PIWIL1: variants seen among roughly 807,000 people sequenced by gnomAD.
PIWIL1 encodes piwi-like protein 1.
Under a neutral mutation model 114.4 loss-of-function variants are expected in PIWIL1, and 73 were observed. The observed-to-expected ratio is 0.64, with a 90% CI of 0.53 to 0.78. The LOEUF is 0.78. Among genes scored for constraint, PIWIL1 ranks in the 30% least tolerant of loss-of-function variants. The pLI is 0.00. For synonymous variants in PIWIL1, 375 were observed against 369.0 expected, an observed-to-expected ratio of 1.02 and a Z score of -0.19; for missense variants, 723 against 1,063.1, an observed-to-expected ratio of 0.68 and a Z score of 4.45.
At chr12:130,380,389 A>G in the PIWIL1 span, among the ~76,000 whole-genome samples, 1 of 152,230 alleles carries the variant, frequency 6.6e-6, no homozygotes, top group East Asian at 1.9e-4. Context: ...CAAACTGGAA[A>G]AAAAGACCAA....
At chr12:130,347,200 G>A in intron 6 of PIWIL1, 138 bp downstream of exon 6, 1 of 664,990 alleles carries the variant, frequency 1.5e-6, no homozygotes, top group Non-Finnish European at 2.5e-6. Flanking sequence ...AGTAACTTAA[G>A]GTGTGGTTTA....
chr12:130,421,691 A>ATGTGTGTGTGTGTGTGTG, the PIWIL1 span, among the ~76,000 whole-genome samples: 617 of 147,276 alleles, frequency 4.2e-3, 5 homozygotes, highest in African/African-American at 0.015. Flanking sequence ...CTGCATTTAT[A>ATGTGTGTGTGTGTGTGTG]TGTGTGTGTG....
chr12:130,382,860 A>G, the PIWIL1 span, among the ~76,000 whole-genome samples: 12 of 152,234 alleles, frequency 7.9e-5, no homozygotes, highest in African/African-American at 2.9e-4. Flanking sequence ...GCCCAAGTTA[A>G]GTATGCTTTT....
In PIWIL1 at chr12:130,337,975, C is replaced by T; in HGVS notation, c.-184C>T. The T allele has an allele frequency of 6.1e-6, 1 of 163,156 alleles. No homozygotes were observed. The highest frequency in any genetic ancestry group is 1.3e-5 in the Non-Finnish European group (1 of 75,596). 10.1% of individuals were successfully genotyped at this position (163,156 alleles called of 1,614,324 possible). On this transcript the variant is annotated 5_prime_UTR_variant, in exon 1 of 21. Coordinates refer to ENST00000245255, the MANE Select transcript of PIWIL1 (RefSeq NM_004764.5). ...GGAAAAGAGCGCCTGTTGCTCGCTGCCCGCGTGTCCCTGGCTCTCTCGGGA... is the reference window on the plus strand; with the variant it reads ...GGAAAAGAGCGCCTGTTGCTCGCTGTCCGCGTGTCCCTGGCTCTCTCGGGA...
chr12:130,422,575 A>G, the PIWIL1 span: 1 of 1,573,150 alleles, frequency 6.4e-7, no homozygotes, highest in Non-Finnish European at 8.7e-7. The surrounding 1 kb of genome is among the most constrained non-coding windows in gnomAD (Gnocchi z 5.2). Context: ...AAGACAAAAC[A>G]ACAACAAAGT....
the PIWIL1 span, among the ~76,000 whole-genome samples, chr12:130,388,268 C>T: frequency 5.3e-5 from 8 of 152,166 alleles, no homozygotes; most frequent in African/African-American, 1.4e-4. Flanking sequence ...CATGCACCAC[C>T]TTGCCTGGCT....
the PIWIL1 span, among the ~76,000 whole-genome samples, chr12:130,403,046 C>T: frequency 6.6e-6 from 1 of 152,158 alleles, no homozygotes; most frequent in Admixed American, 6.5e-5. Flanking sequence ...GCTTGTTTTA[C>T]TGATATGGGA....
At chr12:130,375,623 G>C (rs2073861270), downstream of PIWIL1, among the ~76,000 whole-genome samples, 1 of 152,064 alleles carries the variant, frequency 6.6e-6, no homozygotes, top group South Asian at 2.1e-4. Context: ...GTCTCTCCTT[G>C]TTTCCCTGCT....
the PIWIL1 span, among the ~76,000 whole-genome samples, chr12:130,400,722 T>C: frequency 2.6e-5 from 4 of 152,138 alleles, no homozygotes; most frequent in Admixed American, 1.3e-4. Flanking sequence ...TGTCTGCAAG[T>C]CATCTATCTG....
the PIWIL1 span, chr12:130,424,567 G>A: frequency 8.1e-7 from 1 of 1,231,984 alleles, no homozygotes; most frequent in Non-Finnish European, 1.0e-6. This position sits in a 1 kb window ranked among gnomAD's most constrained non-coding sequence, Gnocchi z 9.8. Context: ...CTGTCTTCCA[G>A]AAGGAAGTCC....
At chr12:130,422,722 C>T in the PIWIL1 span, among the ~76,000 whole-genome samples, 1 of 152,182 alleles carries the variant, frequency 6.6e-6, no homozygotes, top group Non-Finnish European at 1.5e-5. This position sits in a 1 kb window ranked among gnomAD's most constrained non-coding sequence, Gnocchi z 5.2. Context: ...AGAACAAAGC[C>T]GGGCACCAGC....
chr12:130,395,565 T>A, the PIWIL1 span, among the ~76,000 whole-genome samples: 34 of 152,220 alleles, frequency 2.2e-4, no homozygotes, highest in Admixed American at 6.5e-5. Context: ...TAGTTCTGGA[T>A]ACTTTTTGTT....
At chr12:130,370,488 A>G (rs2073789106) in intron 19 of PIWIL1, among the ~76,000 whole-genome samples, 1 of 152,188 alleles carries the variant, frequency 6.6e-6, no homozygotes, top group African/African-American at 2.4e-5. Flanking sequence ...TTTCAAGTAT[A>G]TGGGAGGTTA....
At chr12:130,341,113 G>T (rs1288890244) in intron 1 of PIWIL1, among the ~76,000 whole-genome samples, 1 of 152,164 alleles carries the variant, frequency 6.6e-6, no homozygotes, top group Non-Finnish European at 1.5e-5. Flanking sequence ...TGATGTCATC[G>T]CCTGCCCCTA....
chr12:130,354,507 T>G (rs2073307709), intron 9 of PIWIL1, 30 bp from the exon 10 acceptor site: 4 of 1,613,762 alleles, frequency 2.5e-6, no homozygotes, highest in Non-Finnish European at 3.4e-6. Context: ...GCATTTGCCG[T>G]GAACAGCGAC....
the PIWIL1 span, among the ~76,000 whole-genome samples, chr12:130,412,960 A>G: frequency 6.6e-6 from 1 of 152,046 alleles, no homozygotes; most frequent in Non-Finnish European, 1.5e-5. Flanking sequence ...TGTACATGTA[A>G]CCCTCGCTCT....
chr12:130,349,492 T>C lies in PIWIL1; in HGVS notation c.932+56T>C, dbSNP rs2073156525. Reference sequence around the variant, plus strand: ...TTTTTGTGAGTCAAAGTATTGTGGCTTTCTAGTTCTACCATGTTAAGAAAT... The same window carrying C: ...TTTTTGTGAGTCAAAGTATTGTGGCCTTCTAGTTCTACCATGTTAAGAAAT... On this transcript the variant is annotated intron_variant, in intron 8 of 20. Transcript: ENST00000245255. The C allele has an allele frequency of 5.2e-6, 6 of 1,152,066 alleles. No individual in the cohort carries two copies. The Admixed American group carries it at 5.7e-5, about 11-fold the overall frequency. 71.4% of individuals were successfully genotyped at this position (1,152,066 alleles called of 1,614,324 possible).
At chr12:130,358,664 A>G (rs2073430094) in intron 14 of PIWIL1, among the ~76,000 whole-genome samples, 2 of 152,064 alleles carry the variant, frequency 1.3e-5, no homozygotes, top group African/African-American at 2.4e-5. Context: ...AGTGTTTTGA[A>G]TTATTCAGGG....
Position 130,346,446 on chromosome 12 carries a change from G to C in PIWIL1, c.393G>C (p.Gln131His). ...LTSRPQWALYQYHIDYNPLME... is the reference protein window; with the variant it reads ...LTSRPQWALYHYHIDYNPLME... ...CCCGTCCCCAGTGGGCCTTATATCA[G>C]TATCACATTGACTATAACCCACTGA... The change falls in exon 5 of 21, where the codon CAG becomes CAC. Residue 131 changes from glutamine (Q) to histidine (H), a missense_variant. Around this residue, in one of 8 missense-constraint regions of PIWIL1, gnomAD observed 190 missense variants for 294.4 expected, o/e 0.65. Coordinates refer to ENST00000245255, the MANE Select transcript of PIWIL1 (RefSeq NM_004764.5). The C allele has an allele frequency of 6.2e-7, 1 of 1,614,008 alleles. No homozygotes were observed. Among genetic ancestry groups the C allele is most frequent in the Non-Finnish European group, 8.5e-7 (1 of 1,179,878 alleles).
Sources: allele counts gnomAD v4.1 joint callset (sites outside exome capture counted in the v4.1 genomes callset), GRCh38; gene constraint gnomAD v4.1.1; regional missense constraint gnomAD v4.1.1; non-coding constraint Gnocchi (gnomAD v3.1); transcripts MANE v1.5; gene names NCBI Gene and HGNC (gene_info 2026-07-23, HGNC 2026-07-21).